Variants in SFMBT2 observed in about 807,000 individuals in gnomAD.
The protein encoded by SFMBT2 is Scm like with four mbt domains 2, also known as scm-like with four MBT domains protein 2.
In SFMBT2, 38 loss-of-function variants were observed where a neutral mutation model predicts 110.1. The observed-to-expected ratio is 0.35, with a 90% CI of 0.27 to 0.45. The LOEUF (loss-of-function observed/expected upper bound fraction) is 0.45, where lower values mean the gene tolerates loss of function less well. Ranked by LOEUF, SFMBT2 falls within the 20% of genes least tolerant of loss-of-function variation. The pLI, the probability that SFMBT2 is intolerant of heterozygous loss-of-function variation, is 1.00. For synonymous variants in SFMBT2, 425 were observed against 425.4 expected (o/e 1.00, Z 0.01); for missense variants, 1,011 against 1,094.9 (o/e 0.92, Z 1.08).
At chr10:7,253,289 T>G (rs2131745329) in intron 7 of SFMBT2, among the ~76,000 whole-genome samples, 1 of 152,090 alleles carries the variant, frequency 6.6e-6, no homozygotes, top group South Asian at 2.1e-4. Context: ...AAGGAGGGGG[T>G]TTCAGGAACC....
intron 4 of SFMBT2, among the ~76,000 whole-genome samples, chr10:7,302,226 A>G (rs1842573497): frequency 6.6e-6 from 1 of 152,088 alleles, no homozygotes; most frequent in Admixed American, 6.5e-5. Context: ...CTACAACCAG[A>G]TAGTTACTTG....
chr10:7,293,578 C>T lies in SFMBT2; in HGVS notation c.437-7624G>A, dbSNP rs1273791866. On this transcript the variant is annotated intron_variant, in intron 4 of 20. Transcript: ENST00000397167. This position sits in a 1 kb window ranked among gnomAD's most constrained non-coding sequence, Gnocchi z 4.6. ...AAATACCAAGGGCAAGCTCCACTGG[C>T]CCTCATAGTCGTTAAGATCATTAAG... Among the ~76,000 whole-genome samples the T allele has an allele frequency of 6.6e-6, 1 of 152,144 alleles. No homozygotes were observed. Among genetic ancestry groups the T allele is most frequent in the African/African-American group, 2.4e-5 (1 of 41,414 alleles).
At chr10:7,243,777 G>A in intron 8 of SFMBT2, 72 bp from the exon 9 acceptor site, 2 of 745,482 alleles carry the variant, frequency 2.7e-6, no homozygotes, top group South Asian at 3.1e-5. Flanking sequence ...ATAAAATAGT[G>A]GCAGAGCTTC....
At chr10:7,385,594 A>T (rs1300416128) in intron 1 of SFMBT2, among the ~76,000 whole-genome samples, 1 of 152,232 alleles carries the variant, frequency 6.6e-6, no homozygotes, top group Non-Finnish European at 1.5e-5. Flanking sequence ...GATCATAACA[A>T]AAAACACAGC....
intron 4 of SFMBT2, among the ~76,000 whole-genome samples, chr10:7,299,353 T>A (rs1029862237): frequency 3.3e-5 from 5 of 152,286 alleles, no homozygotes; most frequent in Admixed American, 1.3e-4. Context: ...AAAGGGCTAA[T>A]ATCCAGAATT....
chr10:7,365,409 T>G (rs573616285), intron 4 of SFMBT2, among the ~76,000 whole-genome samples: 1 of 152,318 alleles, frequency 6.6e-6, no homozygotes, highest in Non-Finnish European at 1.5e-5. Context: ...CTTCAGTAAA[T>G]CACTCGATTA....
chr10:7,382,215 C>A (rs1047636256), intron 1 of SFMBT2, among the ~76,000 whole-genome samples: 2 of 151,910 alleles, frequency 1.3e-5, no homozygotes, highest in Non-Finnish European at 2.9e-5. Flanking sequence ...TTCGAGACCA[C>A]CCTAGCCAAC....
chr10:7,384,709 AGGCTGGCTACATTT>A (rs1845539975), intron 1 of SFMBT2, among the ~76,000 whole-genome samples: 1 of 152,100 alleles, frequency 6.6e-6, no homozygotes, highest in Non-Finnish European at 1.5e-5. Context: ...TTTACTATGG[AGGCTGGCTACATTT>A]TACCCCTGTG....
At chr10:7,325,102 G>A (rs1185341329) in intron 4 of SFMBT2, among the ~76,000 whole-genome samples, 1 of 151,718 alleles carries the variant, frequency 6.6e-6, no homozygotes, top group Non-Finnish European at 1.5e-5. Context: ...CGAGTAGCTG[G>A]GATTACAGGT....
rs1329282660 is a variant in SFMBT2 at position 7,183,074 on chromosome 10, C to T, written c.1808+5550G>A. ...GAAAATATTAAGAGACAGCTGAGCTCGCACACAATAGAAAACTCTCTGGCA... is the reference window on the plus strand; with the variant it reads ...GAAAATATTAAGAGACAGCTGAGCTTGCACACAATAGAAAACTCTCTGGCA... On this transcript the variant is annotated intron_variant, in intron 16 of 20. Transcript: ENST00000397167. Among the ~76,000 whole-genome samples, 4 of 151,822 alleles carry T rather than the reference C, an allele frequency of 2.6e-5. No homozygotes were observed. In the South Asian group the frequency reaches 6.2e-4, roughly 24 times the overall value.
chr10:7,257,068 G>A (rs929273299), intron 7 of SFMBT2, among the ~76,000 whole-genome samples: 5 of 139,154 alleles, frequency 3.6e-5, no homozygotes, highest in African/African-American at 1.4e-4. Flanking sequence ...CTCCAGCCTG[G>A]GTGACAGAGC....
chr10:7,228,504 A>G (rs1839968218), intron 9 of SFMBT2: 1 of 267,442 alleles, frequency 3.7e-6, no homozygotes, highest in African/African-American at 2.3e-5. Context: ...AAGGAAGGCA[A>G]ACGTTGCCCT....
intron 12 of SFMBT2, chr10:7,203,578 G>T: frequency 3.8e-6 from 2 of 526,554 alleles, no homozygotes; most frequent in Non-Finnish European, 4.9e-6. Flanking sequence ...TGTGAAGAGG[G>T]GAGGAAGAGG....
At chr10:7,169,289 TAGTG>T (rs1837798265) in intron 20 of SFMBT2, among the ~76,000 whole-genome samples, 1 of 152,162 alleles carries the variant, frequency 6.6e-6, no homozygotes, top group South Asian at 2.1e-4. Context: ...AGCATGAACT[TAGTG>T]GGTGTCTGCA....
chr10:7,390,880 A>C (rs1403196537), intron 1 of SFMBT2, among the ~76,000 whole-genome samples: 2 of 152,308 alleles, frequency 1.3e-5, no homozygotes, highest in Non-Finnish European at 1.5e-5. Context: ...CAGAAGGATC[A>C]CCTGAGGTCA....
chr10:7,171,568 G>T lies in SFMBT2; in HGVS notation c.2415+327C>A. The T allele has an allele frequency of 1.0e-6, 1 of 985,372 alleles. No individual in the cohort carries two copies. The highest frequency in any genetic ancestry group is 1.7e-5 in the African/African-American group (1 of 57,356). 61.0% of individuals were successfully genotyped at this position (985,372 alleles called of 1,614,324 possible). On this transcript the variant is annotated intron_variant, in intron 19 of 20. Transcript: ENST00000397167. The surrounding 1 kb of genome is among the most constrained non-coding windows in gnomAD (Gnocchi z 4.9). The stretch of plus-strand genomic sequence containing the variant: ...TGGGAGCAAGACACAGCGCAGTCAG[G>T]GGAGATGCGGGGAAGGAATTTCTGG...
chr10:7,264,219 T>C (rs1359772255), intron 7 of SFMBT2: 2 of 244,128 alleles, frequency 8.2e-6, no homozygotes, highest in Non-Finnish European at 1.3e-5. Context: ...GAAAGCAAGA[T>C]ACTTAAAGAA....
chr10:7,349,643 G>A (rs1428490917), intron 4 of SFMBT2, among the ~76,000 whole-genome samples: 1 of 151,480 alleles, frequency 6.6e-6, no homozygotes, highest in Admixed American at 6.6e-5. Flanking sequence ...ATTTTTAATG[G>A]AGACGGGGTT....
At chr10:7,213,361 T>C (rs1839417412) in intron 11 of SFMBT2, among the ~76,000 whole-genome samples, 1 of 151,792 alleles carries the variant, frequency 6.6e-6, no homozygotes, top group East Asian at 1.9e-4. Context: ...AGACAGCAGG[T>C]AGGAGGCGGC....
Sources: gnomAD v4.1 joint callset for allele counts (sites outside exome capture counted in the v4.1 genomes callset) on GRCh38, gnomAD v4.1.1 for gene constraint, Gnocchi (gnomAD v3.1) non-coding constraint, MANE v1.5 for transcripts, NCBI Gene and HGNC (gene_info 2026-07-23, HGNC 2026-07-21) for gene names.